The following ILDR1 variants were observed in gnomAD, a reference collection of about 807,000 sequenced individuals.
ILDR1 encodes immunoglobulin-like domain-containing receptor 1.
In ILDR1, 56 loss-of-function variants were observed where a neutral mutation model predicts 62.4. The observed-to-expected ratio is 0.90, with a 90% CI of 0.72 to 1.12. The LOEUF (loss-of-function observed/expected upper bound fraction) is 1.12. Ranked by LOEUF, ILDR1 falls within the 50% of genes most tolerant of loss-of-function variation. The pLI, the probability that ILDR1 is intolerant of heterozygous loss-of-function variation, is 0.00. For missense variants in ILDR1, 736 were observed against 710.6 expected, an observed-to-expected ratio of 1.04 and a Z score of -0.41; for synonymous variants, 284 against 277.8, an observed-to-expected ratio of 1.02 and a Z score of -0.22.
upstream of ILDR1, among the ~76,000 whole-genome samples, chr3:122,022,721 A>T (rs1008550246): frequency 1.3e-5 from 2 of 152,146 alleles, no homozygotes; most frequent in African/African-American, 4.8e-5. Flanking sequence ...GTTCGAGACC[A>T]GCCTGGCCTA....
chr3:122,006,880 C>T, intron 2 of ILDR1, 111 bp downstream of exon 2: 1 of 1,177,198 alleles, frequency 8.5e-7, no homozygotes, highest in Non-Finnish European at 1.2e-6. Flanking sequence ...ATCTTTGTGT[C>T]TTCTCCTCAC....
At chr3:121,989,598 C>T (rs1324050238) in intron 7 of ILDR1, among the ~76,000 whole-genome samples, 1 of 152,182 alleles carries the variant, frequency 6.6e-6, no homozygotes, top group Non-Finnish European at 1.5e-5. Context: ...AGTCCAGGAG[C>T]CTGGGCCACT....
the ILDR1 span, among the ~76,000 whole-genome samples, chr3:122,028,836 A>ACAATTGTT: frequency 2.2e-4 from 34 of 152,376 alleles, no homozygotes; most frequent in Admixed American, 1.6e-3. Context: ...GAACAATTTG[A>ACAATTGTT]CAATATCTTG....
At chr3:122,014,137 G>A (rs1449561197) in intron 1 of ILDR1, among the ~76,000 whole-genome samples, 2 of 152,168 alleles carry the variant, frequency 1.3e-5, no homozygotes, top group Non-Finnish European at 2.9e-5. Context: ...ACGCACTTAA[G>A]GGACATTCAC....
In ILDR1 at chr3:122,001,810, C is replaced by T. The variant is rs756515033; in HGVS notation, c.434G>A (p.Cys145Tyr). Residue 145 changes from cysteine (C) to tyrosine (Y), a missense_variant, in exon 4 of 8, where the codon TGC becomes TAC. Coordinates refer to ENST00000344209, the MANE Select transcript of ILDR1 (RefSeq NM_001199799.2). ...VMWWDHGVYY[C>Y]TIEAPGDTSG... ...TGTGTCCCCTGGAGCCTCAATGGTGCAGTAATACACTCCATGGTCCCACCA... is the reference window on the plus strand; with the variant it reads ...TGTGTCCCCTGGAGCCTCAATGGTGTAGTAATACACTCCATGGTCCCACCA... 3 of 1,613,342 alleles carry T rather than the reference C, an allele frequency of 1.9e-6. No individual in the cohort carries two copies. Among genetic ancestry groups the T allele is most frequent in the Admixed American group, 1.7e-5 (1 of 59,968 alleles).
upstream of ILDR1, among the ~76,000 whole-genome samples, chr3:122,025,926 G>A (rs2071917608): frequency 6.6e-6 from 1 of 152,094 alleles, no homozygotes; most frequent in Non-Finnish European, 1.5e-5. Flanking sequence ...AATATTTGTT[G>A]CACTCTTTAT....
Position 122,009,507 on chromosome 3 carries a change from C to A in ILDR1, c.59-2346G>T, listed in dbSNP as rs115975949. Among the ~76,000 whole-genome samples the A allele has an allele frequency of 7.2e-3, 1,098 of 152,270 alleles. 11 individuals are homozygous for A. Among genetic ancestry groups the A allele is most frequent in the African/African-American group, 0.025 (1,045 of 41,546 alleles). On this transcript the variant is annotated intron_variant, in intron 1 of 7. Coordinates refer to ENST00000344209, the MANE Select transcript of ILDR1 (RefSeq NM_001199799.2). ...TAGTGCTAGCCTTATCAGGTCCTTG[C>A]AAGAATGCAATGAGATAATCTACTG...
In ILDR1 at chr3:122,007,147, G is replaced by GC; in HGVS notation, c.72dup (p.Leu25AlafsTer22). ...CGTTCTGTGTGCTGGACCGTCACAA[G>GC]CAAGGACAGGCACCCTAAAGCCAAG... is the stretch of plus-strand genomic sequence containing the variant. On this transcript the variant is annotated frameshift_variant, in exon 2 of 8. Transcript: ENST00000344209. LOFTEE classifies it high-confidence loss of function. 6.2e-7 allele frequency: 1 copy of GC among 1,614,176 alleles called. No individual in the cohort carries two copies. Among genetic ancestry groups the GC allele is most frequent in the Non-Finnish European group, 8.5e-7 (1 of 1,180,036 alleles).
chr3:122,027,495 C>A, the ILDR1 span, among the ~76,000 whole-genome samples: 4 of 151,528 alleles, frequency 2.6e-5, no homozygotes, highest in African/African-American at 9.7e-5. Context: ...TGGCCTGAAA[C>A]TTTTTTTTTA....
chr3:122,053,627 A>C, the ILDR1 span, among the ~76,000 whole-genome samples: 1 of 152,144 alleles, frequency 6.6e-6, no homozygotes, highest in Non-Finnish European at 1.5e-5. Context: ...CAATCTTCCC[A>C]CCTCAGCCTC....
the ILDR1 span, among the ~76,000 whole-genome samples, chr3:122,046,658 TTTCG>T: frequency 2.0e-5 from 3 of 150,926 alleles, no homozygotes; most frequent in South Asian, 4.2e-4. Context: ...TCTCGCTTCA[TTTCG>T]TTCATTTCAT....
rs573117451 is a variant in ILDR1 at position 122,002,197 on chromosome 3, A to G, written c.380-333T>C. On this transcript the variant is annotated intron_variant, in intron 3 of 7. Coordinates refer to ENST00000344209, the MANE Select transcript of ILDR1 (RefSeq NM_001199799.2). The stretch of plus-strand genomic sequence containing the variant: ...TTGCCAGTATATGGGGCTTTTACTT[A>G]CTCGCAATCAAACCTAATCCTAACT... Among the ~76,000 whole-genome samples the G allele has an allele frequency of 4.6e-5, 7 of 152,342 alleles. 1 individual carries two copies. The South Asian group carries it at 1.4e-3, about 32-fold the overall frequency.
chr3:122,015,498 C>G (rs2071764207), intron 1 of ILDR1, among the ~76,000 whole-genome samples: 1 of 152,152 alleles, frequency 6.6e-6, no homozygotes, highest in South Asian at 2.1e-4. Context: ...ATAATTGAAT[C>G]TTGGGGTGGT....
chr3:122,025,730 A>G (rs72965420), upstream of ILDR1, among the ~76,000 whole-genome samples: 6,497 of 152,238 alleles, frequency 0.043, 385 homozygotes, highest in African/African-American at 0.14. Flanking sequence ...AATGGAGAAG[A>G]TTTTGTAGAC....
intron 3 of ILDR1, among the ~76,000 whole-genome samples, chr3:122,002,066 G>T (rs1448203618): frequency 6.6e-6 from 1 of 152,192 alleles, no homozygotes; most frequent in Non-Finnish European, 1.5e-5. Context: ...CTTGAGCCCA[G>T]GAAGTTGAAG....
chr3:121,987,445 T>A lies in ILDR1; in HGVS notation c.*922A>T, dbSNP rs771165221. Reference sequence around the variant, plus strand: ...GTGACTTCAATCAATACACAATATATATGAAAATATAAATTAGATATACAG... The same window carrying A: ...GTGACTTCAATCAATACACAATATAAATGAAAATATAAATTAGATATACAG... On this transcript the variant is annotated 3_prime_UTR_variant, in exon 8 of 8. Coordinates refer to ENST00000344209, the MANE Select transcript of ILDR1 (RefSeq NM_001199799.2). 1 of 152,034 alleles carries A rather than the reference T, an allele frequency of 6.6e-6. No individual in the cohort carries two copies. The highest frequency in any genetic ancestry group is 2.4e-5 in the African/African-American group (1 of 41,366). 9.4% of individuals were successfully genotyped at this position (152,034 alleles called of 1,614,324 possible). A position where few individuals can be genotyped will look rare whatever the true frequency, so the allele number is the denominator to read the frequency against.
intron 3 of ILDR1, 72 bp downstream of exon 3, chr3:122,005,172 A>G (rs917385617): frequency 1.8e-6 from 2 of 1,101,522 alleles, no homozygotes; most frequent in Non-Finnish European, 2.7e-6. Flanking sequence ...TCCCATGCTG[A>G]CTCAGCCTGC....
At chr3:122,041,246 A>T in the ILDR1 span, among the ~76,000 whole-genome samples, 1 of 152,220 alleles carries the variant, frequency 6.6e-6, no homozygotes. Flanking sequence ...ATTTTAGGTC[A>T]TGAGGACTCC....
chr3:122,038,797 AAGAG>A, the ILDR1 span, among the ~76,000 whole-genome samples: 1 of 152,188 alleles, frequency 6.6e-6, no homozygotes, highest in East Asian at 1.9e-4. Flanking sequence ...CAAAAACTAT[AAGAG>A]AGAATCAATA....
Sources: allele counts gnomAD v4.1 joint callset (sites outside exome capture counted in the v4.1 genomes callset), GRCh38; gene constraint gnomAD v4.1.1; transcripts MANE v1.5; gene names NCBI Gene and HGNC (gene_info 2026-07-23, HGNC 2026-07-21).